CCDC3: variants seen among roughly 807,000 people sequenced by gnomAD.
The protein encoded by CCDC3 is coiled-coil domain-containing protein 3.
Under a neutral mutation model 21.4 loss-of-function variants are expected in CCDC3, and 24 were observed. The ratio of observed to expected loss-of-function variants is 1.12; its 90% confidence interval spans 0.81 to 1.58. CCDC3 has a LOEUF of 1.58. Ranked by LOEUF, CCDC3 falls within the 40% of genes most tolerant of loss-of-function variation. CCDC3 has a pLI of 0.00. For missense variants in CCDC3, 425 were observed against 360.9 expected, an observed-to-expected ratio of 1.18 and a Z score of -1.44; for synonymous variants, 186 against 166.0, an observed-to-expected ratio of 1.12 and a Z score of -0.93.
intron 5 of CCDC3, among the ~76,000 whole-genome samples, chr10:13,020,723 G>A (rs1324914280): frequency 3.3e-5 from 5 of 152,064 alleles, no homozygotes; most frequent in Non-Finnish European, 7.4e-5. Context: ...ACTCAATTGA[G>A]GAAGATACTT....
intron 2 of CCDC3, among the ~76,000 whole-genome samples, chr10:12,932,714 G>A (rs1470160882): frequency 6.6e-6 from 1 of 152,084 alleles, no homozygotes; most frequent in African/African-American, 2.4e-5. Flanking sequence ...AAGCAGTTCT[G>A]ACAGAGGACA....
chr10:12,922,918 C>A (rs535984763), intron 2 of CCDC3, among the ~76,000 whole-genome samples: 2 of 152,206 alleles, frequency 1.3e-5, no homozygotes, highest in Non-Finnish European at 1.5e-5. Context: ...AAAACATACT[C>A]TTATTCTGAC....
At chr10:12,965,546 G>A (rs536598224) in intron 2 of CCDC3, among the ~76,000 whole-genome samples, 128 of 152,222 alleles carry the variant, frequency 8.4e-4, no homozygotes, top group Non-Finnish European at 1.3e-3. Context: ...TTGAGTGTAC[G>A]TAAGAGAGAT....
intron 2 of CCDC3, among the ~76,000 whole-genome samples, chr10:12,929,446 C>T (rs978869880): frequency 6.6e-6 from 1 of 152,138 alleles, no homozygotes; most frequent in African/African-American, 2.4e-5. Context: ...CTTGTGAGCA[C>T]TTAGCGAGAT....
At chr10:13,060,841 T>C (rs186795834) in intron 4 of CCDC3, among the ~76,000 whole-genome samples, 102 of 152,064 alleles carry the variant, frequency 6.7e-4, no homozygotes, top group African/African-American at 2.3e-3. Flanking sequence ...AAAAAAGGGG[T>C]TACTGGATTT....
chr10:12,981,177 ATTTT>A (rs59193619), intron 2 of CCDC3, among the ~76,000 whole-genome samples: 6 of 105,564 alleles, frequency 5.7e-5, no homozygotes, highest in East Asian at 5.6e-4. Flanking sequence ...CTGGCCCAGG[ATTTT>A]TTTTTTTTTT....
At chr10:13,035,010 A>T (rs1375619944) in intron 5 of CCDC3, among the ~76,000 whole-genome samples, 4 of 151,032 alleles carry the variant, frequency 2.6e-5, no homozygotes, top group African/African-American at 9.7e-5. Flanking sequence ...TGGGCGACAA[A>T]GTGAGACTCT....
intron 2 of CCDC3, among the ~76,000 whole-genome samples, chr10:12,926,480 C>T (rs1192724522): frequency 2.6e-5 from 4 of 152,132 alleles, no homozygotes; most frequent in African/African-American, 9.7e-5. Context: ...CAAAGAATGG[C>T]ATTTCCTAGA....
chr10:12,943,845 C>G (rs1589016152), intron 2 of CCDC3, among the ~76,000 whole-genome samples: 4 of 152,186 alleles, frequency 2.6e-5, no homozygotes, highest in Admixed American at 2.0e-4. Context: ...TCTATTAAAC[C>G]TCTTCTCTTA....
chr10:12,978,972 C>T (rs886957649), intron 2 of CCDC3, among the ~76,000 whole-genome samples: 1 of 152,112 alleles, frequency 6.6e-6, no homozygotes, highest in African/African-American at 2.4e-5. Flanking sequence ...CCTTTTGTTC[C>T]CAAATGAGAG....
Position 12,951,804 on chromosome 10 carries a change from C to CAA in CCDC3, c.549+46532_549+46533dup, listed in dbSNP as rs71924811. On this transcript the variant is annotated intron_variant, in intron 2 of 2. Transcript: ENST00000378825. ...TGGACAACAGAGTGAGACTTCATCT[C>CAA]AAAAAAAAAAAAAAAAAAAAAAAGT... Among the ~76,000 whole-genome samples, 11 of 60,488 alleles carry CAA rather than the reference C, an allele frequency of 1.8e-4. 4 individuals are homozygous for CAA. The highest frequency in any genetic ancestry group is 5.8e-4 in the Admixed American group (2 of 3,426). 39.7% of individuals were successfully genotyped at this position (60,488 alleles called of 152,430 possible).
At chr10:13,020,384 A>G (rs1329396213) in intron 5 of CCDC3, among the ~76,000 whole-genome samples, 1 of 152,216 alleles carries the variant, frequency 6.6e-6, no homozygotes, top group Non-Finnish European at 1.5e-5. Flanking sequence ...GCAAGAGATA[A>G]ATCATCTTCA....
intron 4 of CCDC3, among the ~76,000 whole-genome samples, chr10:13,067,184 C>T (rs1463528260): frequency 6.6e-6 from 1 of 152,242 alleles, no homozygotes; most frequent in Non-Finnish European, 1.5e-5. Context: ...TGGTGGGTTC[C>T]CCGCTCCCCT....
chr10:12,938,275 G>A (rs139691924), intron 2 of CCDC3, among the ~76,000 whole-genome samples: 1 of 152,230 alleles, frequency 6.6e-6, no homozygotes, highest in African/African-American at 2.4e-5. Flanking sequence ...TTTGGTCACT[G>A]CTGGCTTTCT....
At chr10:12,958,578 G>C (rs984953147) in intron 2 of CCDC3, among the ~76,000 whole-genome samples, 5 of 152,192 alleles carry the variant, frequency 3.3e-5, no homozygotes, top group Admixed American at 1.3e-4. Context: ...AGCAGGCCTG[G>C]TCTTGACTCA....
chr10:13,030,521 G>T (rs1564326249), intron 5 of CCDC3, among the ~76,000 whole-genome samples: 2 of 152,160 alleles, frequency 1.3e-5, no homozygotes, highest in East Asian at 3.8e-4. Flanking sequence ...TAGGCTAAAT[G>T]CTCCAATTAA....
At chr10:13,093,278 A>G (rs552380079) in intron 3 of CCDC3, among the ~76,000 whole-genome samples, 2 of 152,294 alleles carry the variant, frequency 1.3e-5, no homozygotes, top group South Asian at 4.1e-4. Context: ...AGAGAATGAG[A>G]ACCAAGTGAA....
chr10:12,950,199 G>A lies in CCDC3; in HGVS notation c.549+48139C>T, dbSNP rs889289609. Among the ~76,000 whole-genome samples the A allele has an allele frequency of 1.4e-4, 21 of 152,314 alleles. 1 individual carries two copies. In the South Asian group the frequency reaches 2.9e-3, roughly 21 times the overall value. On this transcript the variant is annotated intron_variant, in intron 2 of 2. Transcript: ENST00000378825. ...TCTTGTCCCATCTCCTATAGAAGCT[G>A]TTACCAGTGCCCTGACTAACCCAAG...
At chr10:13,009,806 C>G (rs1480346094) in intron 5 of CCDC3, among the ~76,000 whole-genome samples, 1 of 152,146 alleles carries the variant, frequency 6.6e-6, no homozygotes, top group East Asian at 1.9e-4. Flanking sequence ...AGGAGGAAAC[C>G]TCTGCTAACT....
Sources: allele counts gnomAD v4.1 joint callset (sites outside exome capture counted in the v4.1 genomes callset), GRCh38; gene constraint gnomAD v4.1.1; transcripts MANE v1.5; gene names NCBI Gene and HGNC (gene_info 2026-07-23, HGNC 2026-07-21).